LLGL2: variants seen among roughly 807,000 people sequenced by gnomAD.
The protein encoded by LLGL2 is LLGL2, scribble cell polarity complex component.
Under a neutral mutation model 123.2 loss-of-function variants are expected in LLGL2, and 81 were observed. That is an observed-to-expected ratio of 0.66 (90% CI 0.55 to 0.79). The LOEUF (loss-of-function observed/expected upper bound fraction) is 0.79, where lower values mean the gene tolerates loss of function less well. LLGL2 is among the 30% of genes least tolerant of loss of function. The probability of loss-of-function intolerance (pLI) is 0.00; values close to 1 mark genes in which losing one functional copy is unlikely to be tolerated. For missense variants in LLGL2, 1,273 were observed against 1,414.6 expected, an observed-to-expected ratio of 0.90 and a Z score of 1.61; for synonymous variants, 577 against 594.1, an observed-to-expected ratio of 0.97 and a Z score of 0.42.
At position 75,563,122 on chromosome 17, in the gene LLGL2, G is replaced by A. The variant is rs754737971; in HGVS notation, c.637G>A (p.Val213Ile). 49 of 1,613,032 alleles carry A rather than the reference G, an allele frequency of 3.0e-5. 1 individual carries two copies. In the Middle Eastern group the frequency reaches 1.2e-3, roughly 38 times the overall value. Residue 213 changes from valine to isoleucine, a missense_variant, in exon 7 of 26, where the codon GTT becomes ATT. Physicochemically the swap from Val to Ile is conservative, Grantham distance 29. Transcript: ENST00000392550. ...QILIGYSRGL[V>I]VIWDLQGSRV... Reference sequence around the variant, plus strand: ...CCTGATCGGCTACAGCCGAGGCCTCGTTGTCATCTGGGACCTACAGGGCAG... The same window carrying A: ...CCTGATCGGCTACAGCCGAGGCCTCATTGTCATCTGGGACCTACAGGGCAG...
chr17:75,571,149 C>T, intron 17 of LLGL2, 49 bp downstream of exon 17: 3 of 1,531,858 alleles, frequency 2.0e-6, no homozygotes, highest in Non-Finnish European at 2.7e-6. Context: ...GGGCAGCAGA[C>T]ACCCCCTGAC....
chr17:75,574,999 C>T lies in LLGL2; in HGVS notation c.*121C>T. ...CCGCCAGGGGCTGGGGGCATCCCGG[C>T]TTCCACAATGCAGCTGCTCTGGGCC... On this transcript the variant is annotated 3_prime_UTR_variant, in exon 26 of 26. Coordinates refer to ENST00000392550, the MANE Select transcript of LLGL2 (RefSeq NM_001031803.2). 7.1e-7 allele frequency: 1 copy of T among 1,402,044 alleles called. No individual in the cohort carries two copies. Among genetic ancestry groups the T allele is most frequent in the South Asian group, 1.1e-5 (1 of 86,962 alleles). 86.9% of individuals were successfully genotyped at this position (1,402,044 alleles called of 1,614,324 possible). A position where few individuals can be genotyped will look rare whatever the true frequency, so the allele number is the denominator to read the frequency against.
At chr17:75,557,317 C>T (rs185803825) in intron 3 of LLGL2, among the ~76,000 whole-genome samples, 1 of 152,338 alleles carries the variant, frequency 6.6e-6, no homozygotes, top group African/African-American at 2.4e-5. Flanking sequence ...TCCACCCCCA[C>T]TCCCACAGGC....
At chr17:75,561,583 T>A (rs1009082434) in intron 6 of LLGL2, among the ~76,000 whole-genome samples, 9 of 152,134 alleles carry the variant, frequency 5.9e-5, no homozygotes, top group African/African-American at 1.9e-4. Context: ...ATCAGGTCAC[T>A]ACCCTCCAGC....
chr17:75,554,406 G>T (rs2054812864), intron 2 of LLGL2, among the ~76,000 whole-genome samples: 1 of 151,540 alleles, frequency 6.6e-6, no homozygotes, highest in Non-Finnish European at 1.5e-5. Flanking sequence ...GAGTCTAGAA[G>T]GTTAAGACCA....
intron 2 of LLGL2, among the ~76,000 whole-genome samples, chr17:75,551,225 A>G (rs1049862402): frequency 3.3e-5 from 5 of 152,160 alleles, no homozygotes; most frequent in African/African-American, 1.2e-4. Context: ...AGGTGATACT[A>G]TGGAACAATG....
chr17:75,532,055 T>TATACACACACACACACACACACACAC (rs1555648011), intron 1 of LLGL2, among the ~76,000 whole-genome samples: 2 of 93,738 alleles, frequency 2.1e-5, no homozygotes, highest in Non-Finnish European at 4.6e-5. Flanking sequence ...TATGTATATA[T>TATACACACACACACACACACACACAC]ACACACACAC....
rs200429656 is a variant in LLGL2 at position 75,574,946 on chromosome 17, C to T, written c.*68C>T. ...TGATGGCCTTTCGGGGGTCCCTGCCCCAACCGGAGAGGCCGGTGCACAGGG... is the reference window on the plus strand; with the variant it reads ...TGATGGCCTTTCGGGGGTCCCTGCCTCAACCGGAGAGGCCGGTGCACAGGG... On this transcript the variant is annotated 3_prime_UTR_variant, in exon 26 of 26. Transcript: ENST00000392550. The T allele has an allele frequency of 3.4e-5, 55 of 1,612,192 alleles. No individual in the cohort carries two copies. Among genetic ancestry groups the T allele is most frequent in the Middle Eastern group, 3.3e-4 (2 of 6,056 alleles).
chr17:75,558,222 C>G lies in LLGL2; in HGVS notation c.241C>G (p.Leu81Val). Residue 81 changes from leucine to valine, a missense_variant, in exon 4 of 26, where the codon CTC becomes GTC. Physicochemically the swap from Leu to Val is conservative, Grantham distance 32. Coordinates refer to ENST00000392550, the MANE Select transcript of LLGL2 (RefSeq NM_001031803.2). This position sits in a 1 kb window ranked among gnomAD's most constrained non-coding sequence, Gnocchi z 4.0. ...QENNAVTQIHLLPGQCQLVTL... is the reference protein window; with the variant it reads ...QENNAVTQIHVLPGQCQLVTL... ...GAACAACGCTGTGACGCAGATCCAC[C>G]TCCTGCCCGGCCAGGTGAGGGACCT... 1 of 1,612,752 alleles carries G rather than the reference C, an allele frequency of 6.2e-7. No homozygotes were observed. The highest frequency in any genetic ancestry group is 8.5e-7 in the Non-Finnish European group (1 of 1,179,552).
chr17:75,528,314 A>G (rs1171931973), intron 1 of LLGL2, among the ~76,000 whole-genome samples: 1 of 151,778 alleles, frequency 6.6e-6, no homozygotes, highest in Non-Finnish European at 1.5e-5. Flanking sequence ...ATGGGGTTTC[A>G]CTGTGTTAGC....
intron 2 of LLGL2, chr17:75,546,349 G>T (rs113252202): frequency 1.3e-5 from 2 of 153,010 alleles, no homozygotes; most frequent in Non-Finnish European, 2.9e-5. Flanking sequence ...TGCCCGGCTC[G>T]CCAGCTGTGT....
At chr17:75,551,509 A>T (rs2054672893) in intron 2 of LLGL2, among the ~76,000 whole-genome samples, 1 of 152,150 alleles carries the variant, frequency 6.6e-6, no homozygotes, top group African/African-American at 2.4e-5. Flanking sequence ...GGTGGCCACG[A>T]TAACTCCAAG....
At chr17:75,527,420 A>G (rs532287191) in intron 1 of LLGL2, among the ~76,000 whole-genome samples, 40 of 152,232 alleles carry the variant, frequency 2.6e-4, no homozygotes, top group African/African-American at 9.6e-4. Context: ...GGGCTCCTGG[A>G]CAGGGTTTCC....
intron 10 of LLGL2, chr17:75,567,974 G>T: frequency 5.6e-6 from 4 of 718,028 alleles, no homozygotes; most frequent in Non-Finnish European, 6.8e-6. Flanking sequence ...AAGACAAATG[G>T]TTTAATCATC....
intron 10 of LLGL2, among the ~76,000 whole-genome samples, chr17:75,567,474 A>T (rs1439222559): frequency 6.6e-6 from 1 of 151,270 alleles, no homozygotes; most frequent in African/African-American, 2.4e-5. Context: ...CAAAAAATAA[A>T]AAAGAAAAAC....
chr17:75,557,125 C>A (rs960968637), intron 3 of LLGL2, among the ~76,000 whole-genome samples: 1 of 145,516 alleles, frequency 6.9e-6, no homozygotes, highest in Non-Finnish European at 1.5e-5. Context: ...GCAACTCTCT[C>A]GCCTTGGCCT....
At chr17:75,538,882 C>T (rs2054104144) in intron 1 of LLGL2, among the ~76,000 whole-genome samples, 1 of 151,756 alleles carries the variant, frequency 6.6e-6, no homozygotes, top group Non-Finnish European at 1.5e-5. Context: ...TCTTCGCATC[C>T]TCTTTTTCTT....
At chr17:75,561,396 AG>A (rs1205767678) in intron 6 of LLGL2, among the ~76,000 whole-genome samples, 1 of 152,066 alleles carries the variant, frequency 6.6e-6, no homozygotes, top group Admixed American at 6.6e-5. Flanking sequence ...AGGCTGAGGT[AG>A]GAGGATTGCT....
At position 75,556,230 on chromosome 17, in the gene LLGL2, G is replaced by A. The variant is rs2054908812; in HGVS notation, c.173+87G>A. 1.9e-6 allele frequency: 2 copies of A among 1,031,052 alleles called. 1 individual carries two copies. Among genetic ancestry groups the A allele is most frequent in the Middle Eastern group, 4.2e-4 (2 of 4,814 alleles). The allele number at this position is 1,031,052 out of a possible 1,614,324, so 63.9% of individuals were successfully genotyped here. ...GGACATCTTTTCCTTCCTTGCCCGTGGGCTGTTGGGATAAAATGAGGGACT... is the reference window on the plus strand; with the variant it reads ...GGACATCTTTTCCTTCCTTGCCCGTAGGCTGTTGGGATAAAATGAGGGACT... On this transcript the variant is annotated intron_variant, in intron 3 of 25. Coordinates refer to ENST00000392550, the MANE Select transcript of LLGL2 (RefSeq NM_001031803.2).
Sources: gnomAD v4.1 joint callset for allele counts (sites outside exome capture counted in the v4.1 genomes callset) on GRCh38, gnomAD v4.1.1 for gene constraint, Gnocchi (gnomAD v3.1) non-coding constraint, MANE v1.5 for transcripts, NCBI Gene and HGNC (gene_info 2026-07-23, HGNC 2026-07-21) for gene names.